Variants in ASH2L observed in about 807,000 individuals in gnomAD.
The protein encoded by ASH2L is set1/Ash2 histone methyltransferase complex subunit ASH2.
Under a neutral mutation model 81.1 loss-of-function variants are expected in ASH2L, and 30 were observed. That is an observed-to-expected ratio of 0.37 (90% CI 0.28 to 0.50). The LOEUF (loss-of-function observed/expected upper bound fraction) is 0.50. Among genes scored for constraint, ASH2L ranks in the 20% least tolerant of loss-of-function variants. The pLI is 0.95. For missense variants in ASH2L, 559 were observed against 792.1 expected (o/e 0.71, Z 3.53); for synonymous variants, 273 against 279.9 (o/e 0.98, Z 0.24).
Position 38,126,856 on chromosome 8 carries a change from A to AAAAAAAAAAAG in ASH2L, c.1166-1432_1166-1431insAAAAAAAGAAA, listed in dbSNP as rs1261533768. Among the ~76,000 whole-genome samples the AAAAAAAAAAAG allele has an allele frequency of 4.7e-4, 71 of 151,180 alleles. 1 individual carries two copies. Among genetic ancestry groups the AAAAAAAAAAAG allele is most frequent in the Admixed American group, 4.6e-4 (7 of 15,178 alleles). On this transcript the variant is annotated intron_variant, in intron 10 of 15. Coordinates refer to ENST00000343823, the MANE Select transcript of ASH2L (RefSeq NM_004674.5). ...GCAAAAGAGCGAGACTCTGTCTCAA[A>AAAAAAAAAAAG]AAAGAAAGAAAGTTTGAAATTGTTT...
At chr8:38,114,814 G>T in intron 6 of ASH2L, 91 bp from the exon 7 acceptor site, 1 of 811,402 alleles carries the variant, frequency 1.2e-6, no homozygotes, top group Non-Finnish European at 2.0e-6. Flanking sequence ...ACTGCACCTA[G>T]GAATTGACTT....
intron 12 of ASH2L, among the ~76,000 whole-genome samples, chr8:38,133,182 TG>T (rs977572576): frequency 2.0e-5 from 3 of 152,192 alleles, no homozygotes; most frequent in African/African-American, 7.2e-5. Flanking sequence ...GCCACTTTTA[TG>T]GGTATTTTTA....
At chr8:38,108,714 G>A (rs1032220909) in intron 3 of ASH2L, among the ~76,000 whole-genome samples, 15 of 151,898 alleles carry the variant, frequency 9.9e-5, no homozygotes, top group African/African-American at 3.1e-4. Context: ...CCAGCTACTC[G>A]GGAGGCAGGA....
At position 38,128,851 on chromosome 8, in the gene ASH2L, A is replaced by G; in HGVS notation, c.1427A>G (p.Tyr476Cys). 3.1e-6 allele frequency: 5 copies of G among 1,613,846 alleles called. No homozygotes were observed. The highest frequency in any genetic ancestry group is 4.2e-6 in the Non-Finnish European group (5 of 1,179,982). Reference protein sequence around the residue: ...TKFHQSIGKHYSSGYGQGDVL... With the variant: ...TKFHQSIGKHCSSGYGQGDVL... ...TTCCACCAGTCCATTGGCAAACACT[A>G]CTCTTCTGGCTATGGACAGGGAGAC... Residue 476 changes from tyrosine (Y) to cysteine (C), a missense_variant, in exon 12 of 16, where the codon TAC becomes TGC. Tyr to Cys is a radical substitution (Grantham distance 194, BLOSUM62 -2). Transcript: ENST00000343823.
In ASH2L at chr8:38,138,955, C is replaced by T; in HGVS notation, c.1780-9C>T. The T allele has an allele frequency of 6.2e-7, 1 of 1,613,586 alleles. No individual in the cohort carries two copies. The highest frequency in any genetic ancestry group is 1.1e-5 in the South Asian group (1 of 91,056). On this transcript the variant is annotated splice_polypyrimidine_tract_variant and intron_variant, in intron 15 of 15. Transcript: ENST00000343823. ...AGTCACCGTGTTCTGTTTCTCATTC[C>T]TCCTGCAGATGAGTGACATGGGCTG...
At chr8:38,119,848 G>C (rs1405952300) in intron 9 of ASH2L, among the ~76,000 whole-genome samples, 1 of 152,026 alleles carries the variant, frequency 6.6e-6, no homozygotes, top group Non-Finnish European at 1.5e-5. Context: ...GCCGGGCACG[G>C]TGGGTCATGC....
chr8:38,134,998 A>T (rs908886991), intron 13 of ASH2L, among the ~76,000 whole-genome samples: 2 of 152,030 alleles, frequency 1.3e-5, no homozygotes, highest in African/African-American at 4.8e-5. Flanking sequence ...ATTGATAAAC[A>T]AGCACGCTTA....
chr8:38,126,629 C>T (rs1381455093), intron 10 of ASH2L, among the ~76,000 whole-genome samples: 5 of 151,612 alleles, frequency 3.3e-5, no homozygotes, highest in East Asian at 1.9e-4. Context: ...CCGAGGCAGG[C>T]GGATCACGAG....
At chr8:38,132,392 G>C (rs188749411) in intron 12 of ASH2L, among the ~76,000 whole-genome samples, 2 of 152,326 alleles carry the variant, frequency 1.3e-5, no homozygotes, top group Non-Finnish European at 2.9e-5. Context: ...GAAGTGAATA[G>C]TTAAATAGAC....
In ASH2L at chr8:38,106,379, G is replaced by T; in HGVS notation, c.190G>T (p.Glu64Ter). 1 of 1,614,032 alleles carries T rather than the reference G, an allele frequency of 6.2e-7. No homozygotes were observed. The highest frequency in any genetic ancestry group is 8.5e-7 in the Non-Finnish European group (1 of 1,179,904). Residue 64 changes from glutamate to a stop codon, truncating the protein, a stop_gained and splice_region_variant, in exon 2 of 16, where the codon GAG becomes TAG. Transcript: ENST00000343823. LOFTEE classifies it high-confidence loss of function. Reference protein sequence around the residue: ...EPSSGEAEGGEANLVDVSGGL... With the variant: ...EPSSGEAEGG Reference sequence around the variant, plus strand: ...TTGAGCGCTTTCATTATCTTATAGGGAGGCAAACTTGGTCGATGTAAGCGG... The same window carrying T: ...TTGAGCGCTTTCATTATCTTATAGGTAGGCAAACTTGGTCGATGTAAGCGG...
At chr8:38,129,625 C>T (rs555122517) in intron 12 of ASH2L, among the ~76,000 whole-genome samples, 1 of 152,250 alleles carries the variant, frequency 6.6e-6, no homozygotes, top group African/African-American at 2.4e-5. Context: ...CAGGAAGTTT[C>T]CTCATGCCTT....
At chr8:38,110,585 T>A in intron 4 of ASH2L, 118 bp downstream of exon 4, 1 of 1,166,886 alleles carries the variant, frequency 8.6e-7, no homozygotes, top group Non-Finnish European at 1.3e-6. Flanking sequence ...AGTTGGGGTT[T>A]AGCTCTGAAT....
At chr8:38,133,421 T>C (rs752370127) in intron 12 of ASH2L, 33 bp from the exon 13 acceptor site, 2 of 1,508,278 alleles carry the variant, frequency 1.3e-6, no homozygotes, top group South Asian at 2.3e-5. Flanking sequence ...GCTGATGCTT[T>C]ATTGTGCCTT....
chr8:38,116,810 C>A lies in ASH2L; in HGVS notation c.853+85C>A. Reference sequence around the variant, plus strand: ...TAGAACTGGCCATTCTTTGGGTTGACCCTTAACCTGGATACTTACTAAAAT... The same window carrying A: ...TAGAACTGGCCATTCTTTGGGTTGAACCTTAACCTGGATACTTACTAAAAT... On this transcript the variant is annotated intron_variant, in intron 8 of 15. Coordinates refer to ENST00000343823, the MANE Select transcript of ASH2L (RefSeq NM_004674.5). 4.4e-6 allele frequency: 5 copies of A among 1,138,824 alleles called. No individual in the cohort carries two copies. In the South Asian group the frequency reaches 5.6e-5, roughly 13 times the overall value. 70.5% of individuals were successfully genotyped at this position (1,138,824 alleles called of 1,614,324 possible).
In ASH2L at chr8:38,139,073, C is replaced by T. The variant is rs1802382300; in HGVS notation, c.*2C>T. 1.3e-6 allele frequency: 2 copies of T among 1,575,430 alleles called. No homozygotes were observed. Among genetic ancestry groups the T allele is most frequent in the Non-Finnish European group, 1.7e-6 (2 of 1,159,284 alleles). Reference sequence around the variant, plus strand: ...CGCAGTCCCCCATGGGAACCCTGACCAGGTCCCTCTTTTCTGTCAAGGACT... The same window carrying T: ...CGCAGTCCCCCATGGGAACCCTGACTAGGTCCCTCTTTTCTGTCAAGGACT... On this transcript the variant is annotated 3_prime_UTR_variant, in exon 16 of 16. Coordinates refer to ENST00000343823, the MANE Select transcript of ASH2L (RefSeq NM_004674.5).
At chr8:38,116,960 G>A (rs1380293380) in intron 8 of ASH2L, among the ~76,000 whole-genome samples, 2 of 152,208 alleles carry the variant, frequency 1.3e-5, no homozygotes, top group Non-Finnish European at 2.9e-5. Context: ...CATAAGACAA[G>A]GAACCATTTC....
At chr8:38,138,650 C>T (rs781196545) in intron 14 of ASH2L, 166 bp from the exon 15 acceptor site, 1 of 578,416 alleles carries the variant, frequency 1.7e-6, no homozygotes, top group Non-Finnish European at 3.0e-6. Context: ...TGATGGACAT[C>T]AGGATGTTGA....
At chr8:38,128,552 A>T in intron 11 of ASH2L, 94 bp downstream of exon 11, 2 of 1,513,004 alleles carry the variant, frequency 1.3e-6, no homozygotes, top group Non-Finnish European at 1.8e-6. Flanking sequence ...GGTTTACCAG[A>T]TTGTGGGCAT....
intron 14 of ASH2L, 72 bp downstream of exon 14, chr8:38,135,838 C>T: frequency 1.6e-6 from 2 of 1,227,040 alleles, no homozygotes; most frequent in Non-Finnish European, 2.3e-6. Flanking sequence ...GACAAAGTTA[C>T]TGAGTGCTGG....
Sources: gnomAD v4.1 joint callset for allele counts (sites outside exome capture counted in the v4.1 genomes callset) on GRCh38, gnomAD v4.1.1 for gene constraint, MANE v1.5 for transcripts, NCBI Gene and HGNC (gene_info 2026-07-23, HGNC 2026-07-21) for gene names.